The following LMF1 variants were observed in gnomAD, a reference collection of about 807,000 sequenced individuals.
LMF1 encodes the protein lipase maturation factor 1, also known as transmembrane protein 112.
In LMF1, 68 loss-of-function variants were observed where a neutral mutation model predicts 60.6. The ratio of observed to expected loss-of-function variants is 1.12; its 90% CI spans 0.92 to 1.37. The LOEUF is 1.37. Among genes scored for constraint, LMF1 ranks in the 40% most tolerant of loss-of-function variants. The pLI, the probability that LMF1 is intolerant of heterozygous loss-of-function variation, is 0.00. For synonymous variants in LMF1, 418 were observed against 324.7 expected, an observed-to-expected ratio of 1.29 and a Z score of -3.09; for missense variants, 948 against 767.2, an observed-to-expected ratio of 1.24 and a Z score of -2.78.
At chr16:892,156 G>C (rs2070507094) in intron 5 of LMF1, among the ~76,000 whole-genome samples, 1 of 152,254 alleles carries the variant, frequency 6.6e-6, no homozygotes, top group African/African-American at 2.4e-5. Context: ...TGGAGGCGGT[G>C]AGTGCCAGAG....
At chr16:921,835 A>G (rs539776735) in intron 3 of LMF1, among the ~76,000 whole-genome samples, 12 of 152,354 alleles carry the variant, frequency 7.9e-5, no homozygotes, top group Admixed American at 1.3e-4. Flanking sequence ...GGGTTTTACT[A>G]TACAATTCTT....
rs1355070704 is a variant in LMF1 at position 853,737 on chromosome 16, G to T, written c.*795C>A. ...GAAAAATGTGCAGTAGACGCTGTTT[G>T]TCCGACGATGATGAAAGTGTGCACG... is the stretch of plus-strand genomic sequence containing the variant. On this transcript the variant is annotated 3_prime_UTR_variant, in exon 11 of 11. Coordinates refer to ENST00000262301, the MANE Select transcript of LMF1 (RefSeq NM_022773.4). 4.4e-6 allele frequency: 2 copies of T among 454,062 alleles called. No homozygotes were observed. Among genetic ancestry groups the T allele is most frequent in the Admixed American group, 2.3e-5 (1 of 42,566 alleles). The allele number at this position is 454,062 out of a possible 1,614,324, so 28.1% of individuals were successfully genotyped here.
At position 970,976 on chromosome 16, in the gene LMF1, C is replaced by T. The variant is rs2073038963; in HGVS notation, c.5G>A (p.Arg2His). The T allele has an allele frequency of 6.6e-7, 1 of 1,508,332 alleles. No individual in the cohort carries two copies. The highest frequency in any genetic ancestry group is 1.3e-5 in the South Asian group (1 of 78,974). 93.4% of individuals were successfully genotyped at this position (1,508,332 alleles called of 1,614,324 possible). Residue 2 changes from arginine to histidine, a missense_variant, in exon 1 of 11, where the codon CGC becomes CAC. Coordinates refer to ENST00000262301, the MANE Select transcript of LMF1 (RefSeq NM_022773.4). ...CGCCGCCATTGTTGGGCTGTCAGGG[C>T]GCATGTGCGGGGAGGGCGCACTCCC... M[R>H]PDSPTMAAPA... is the part of the protein sequence containing the mutation.
intron 1 of LMF1, among the ~76,000 whole-genome samples, chr16:969,903 G>C (rs1211328237): frequency 6.6e-6 from 1 of 152,256 alleles, no homozygotes; most frequent in Non-Finnish European, 1.5e-5. Context: ...ACTGGGGAGA[G>C]AGGGAGTTGG....
chr16:920,789 C>T (rs2071410624), intron 3 of LMF1, among the ~76,000 whole-genome samples: 1 of 152,222 alleles, frequency 6.6e-6, no homozygotes, highest in South Asian at 2.1e-4. Context: ...AAACATAACA[C>T]GTTACACTGG....
At chr16:911,839 C>T (rs1237941775) in intron 3 of LMF1, among the ~76,000 whole-genome samples, 3 of 152,094 alleles carry the variant, frequency 2.0e-5, no homozygotes, top group African/African-American at 7.2e-5. Flanking sequence ...ACGGAACCAA[C>T]ACCGGTCAGC....
At chr16:918,521 A>T (rs1330176856) in intron 3 of LMF1, among the ~76,000 whole-genome samples, 1 of 152,212 alleles carries the variant, frequency 6.6e-6, no homozygotes, top group Non-Finnish European at 1.5e-5. Flanking sequence ...ACCACACCTG[A>T]CCATTTCTTT....
intron 3 of LMF1, 98 bp downstream of exon 3, chr16:934,146 C>T: frequency 1.3e-6 from 2 of 1,590,988 alleles, no homozygotes; most frequent in Non-Finnish European, 1.7e-6. Context: ...ATGGCAGAGG[C>T]TAAGGAAGGG....
intron 1 of LMF1, among the ~76,000 whole-genome samples, chr16:966,817 A>G (rs867306434): frequency 5.3e-5 from 8 of 152,324 alleles, no homozygotes; most frequent in Middle Eastern, 3.4e-3. Flanking sequence ...CCTGAGCCCC[A>G]CTACTTCCAC....
intron 1 of LMF1, among the ~76,000 whole-genome samples, chr16:969,952 T>A (rs2073006260): frequency 6.6e-6 from 1 of 152,172 alleles, no homozygotes; most frequent in African/African-American, 2.4e-5. Flanking sequence ...CCAGAGGTTT[T>A]GAGCGTGAAC....
At chr16:948,539 A>C (rs2072318396) in intron 2 of LMF1, among the ~76,000 whole-genome samples, 1 of 150,880 alleles carries the variant, frequency 6.6e-6, no homozygotes, top group Non-Finnish European at 1.5e-5. Flanking sequence ...GAGTCAGCCA[A>C]TGACAGAGTC....
intron 2 of LMF1, chr16:952,777 A>G (rs1487804454): frequency 6.0e-6 from 1 of 165,660 alleles, no homozygotes; most frequent in Non-Finnish European, 1.3e-5. Context: ...CCACACAGAC[A>G]CCCACCCCAA....
chr16:951,014 C>A lies in LMF1; in HGVS notation c.503+3343G>T, dbSNP rs1482375107. Among the ~76,000 whole-genome samples the A allele has an allele frequency of 5.4e-5, 8 of 147,916 alleles. 1 individual carries two copies. Among genetic ancestry groups the A allele is most frequent in the Non-Finnish European group, 1.2e-4 (8 of 67,454 alleles). On this transcript the variant is annotated intron_variant, in intron 2 of 10. Coordinates refer to ENST00000262301, the MANE Select transcript of LMF1 (RefSeq NM_022773.4). ...TGACAGAGTCAGCCAATGACAGAGT[C>A]AGCCAACGACAGAGTCAGAGCCAAT...
intron 6 of LMF1, among the ~76,000 whole-genome samples, chr16:879,231 G>A (rs2070087329): frequency 6.6e-6 from 1 of 152,226 alleles, no homozygotes; most frequent in African/African-American, 2.4e-5. Flanking sequence ...TCTTAGGAGT[G>A]GATCCCAGGA....
intron 9 of LMF1, 193 bp downstream of exon 9, chr16:869,690 C>T (rs1004735265): frequency 1.6e-5 from 11 of 685,760 alleles, no homozygotes; most frequent in African/African-American, 1.2e-4. Context: ...GGGCTGGGCT[C>T]CCACATGAGG....
chr16:886,344 C>T (rs2070305817), intron 5 of LMF1, among the ~76,000 whole-genome samples: 1 of 152,164 alleles, frequency 6.6e-6, no homozygotes, highest in South Asian at 2.1e-4. Context: ...CACGGCTTGT[C>T]CCTGGCAAGA....
chr16:969,403 A>G (rs1443242629), intron 1 of LMF1, among the ~76,000 whole-genome samples: 2 of 152,214 alleles, frequency 1.3e-5, no homozygotes, highest in African/African-American at 4.8e-5. Flanking sequence ...CTGCAATCCC[A>G]CAGGAAACCT....
chr16:856,091 GTGGGGTCGGGC>G (rs1309841027), intron 10 of LMF1: 2 of 393,888 alleles, frequency 5.1e-6, no homozygotes, highest in Non-Finnish European at 1.0e-5. Flanking sequence ...TCCAAGAGGA[GTGGGGTCGGGC>G]CTTTGGAAAA....
upstream of LMF1, among the ~76,000 whole-genome samples, chr16:972,122 C>T (rs905152020): frequency 1.3e-5 from 2 of 152,190 alleles, no homozygotes; most frequent in Non-Finnish European, 2.9e-5. Flanking sequence ...CTGTGGACAT[C>T]GGGCCCCCAA....
Sources: allele counts gnomAD v4.1 joint callset (sites outside exome capture counted in the v4.1 genomes callset), GRCh38; gene constraint gnomAD v4.1.1; transcripts MANE v1.5; gene names NCBI Gene and HGNC (gene_info 2026-07-23, HGNC 2026-07-21).